TP53BP1: variants seen among roughly 807,000 people sequenced by gnomAD.
TP53BP1 encodes TP53-binding protein 1.
Under a neutral mutation model 200.8 loss-of-function variants are expected in TP53BP1, and 61 were observed. That is an observed-to-expected ratio of 0.30 (90% confidence interval 0.25 to 0.38). The LOEUF (loss-of-function observed/expected upper bound fraction) is 0.38, where lower values mean the gene tolerates loss of function less well. Among genes scored for constraint, TP53BP1 ranks in the 10% least tolerant of loss-of-function variants. TP53BP1 has a pLI of 1.00. For synonymous variants in TP53BP1, 822 were observed against 844.3 expected (o/e 0.97, Z 0.46); for missense variants, 2,144 against 2,371.9 (o/e 0.90, Z 2.00).
chr15:43,407,910 G>A (rs767889745), intron 27 of TP53BP1, 33 bp downstream of exon 27: 2 of 1,595,218 alleles, frequency 1.3e-6, no homozygotes, highest in African/African-American at 1.3e-5. Context: ...GAGATCCCTG[G>A]AACAAAGACA....
At chr15:43,445,983 G>C (rs1445705478) in intron 14 of TP53BP1, among the ~76,000 whole-genome samples, 1 of 152,146 alleles carries the variant, frequency 6.6e-6, no homozygotes, top group Admixed American at 6.5e-5. Flanking sequence ...GATGTAAAAA[G>C]CCTTTCAGCA....
At position 43,422,104 on chromosome 15, in the gene TP53BP1, T is replaced by A; in HGVS notation, c.3851A>T (p.Glu1284Val). Residue 1284 changes from glutamate to valine, a missense_variant, in exon 19 of 28, where the codon GAG becomes GTG. Around this residue, in one of 4 missense-constraint regions of TP53BP1, gnomAD observed 1,700 missense variants for 1,710.3 expected, o/e 0.99. Coordinates refer to ENST00000382044, the MANE Select transcript of TP53BP1 (RefSeq NM_001141980.3). ...AACTTCAGTTTCACACTCCTGACAC[T>A]CTACAATTGGCTCTTCAGTCTCCTG... ...VTEETEEPIVECQECETEVSP... is the reference protein window; with the variant it reads ...VTEETEEPIVVCQECETEVSP... 1 of 1,614,044 alleles carries A rather than the reference T, an allele frequency of 6.2e-7. No homozygotes were observed. The highest frequency in any genetic ancestry group is 8.5e-7 in the Non-Finnish European group (1 of 1,179,998).
At chr15:43,430,622 C>A (rs2045646574) in intron 17 of TP53BP1, among the ~76,000 whole-genome samples, 1 of 152,118 alleles carries the variant, frequency 6.6e-6, no homozygotes, top group African/African-American at 2.4e-5. Flanking sequence ...ACTGAAAAAG[C>A]AATTTGACCA....
At chr15:43,481,084 A>T in intron 4 of TP53BP1, 62 bp from the exon 5 acceptor site, 1 of 1,597,154 alleles carries the variant, frequency 6.3e-7, no homozygotes, top group African/African-American at 1.3e-5. Context: ...TAATCAGAGC[A>T]CTCTGACCCC....
chr15:43,440,376 G>C (rs1164321167), intron 15 of TP53BP1, among the ~76,000 whole-genome samples: 1 of 152,078 alleles, frequency 6.6e-6, no homozygotes, highest in Non-Finnish European at 1.5e-5. Context: ...TTAGCCAGGC[G>C]TGGTGGCTGG....
upstream of TP53BP1, among the ~76,000 whole-genome samples, chr15:43,494,613 C>G (rs558481465): frequency 2.6e-5 from 4 of 152,182 alleles, no homozygotes; most frequent in Non-Finnish European, 5.9e-5. Flanking sequence ...TCATACTCCA[C>G]TCCTAAAGCT....
chr15:43,456,211 T>C lies in TP53BP1; in HGVS notation c.2397A>G (p.Ile799Met). The change falls in exon 12 of 28, where the codon ATA becomes ATG. Residue 799 changes from isoleucine to methionine, a missense_variant. Around this residue, in one of 4 missense-constraint regions of TP53BP1, gnomAD observed 1,700 missense variants for 1,710.3 expected, o/e 0.99. Coordinates refer to ENST00000382044, the MANE Select transcript of TP53BP1 (RefSeq NM_001141980.3). Reference sequence around the variant, plus strand: ...CTAATCTATTCTCAGCACATGGTTCTATTTCTGGAGCAATATCCTCCCATG... The same window carrying C: ...CTAATCTATTCTCAGCACATGGTTCCATTTCTGGAGCAATATCCTCCCATG... Reference protein sequence around the residue: ...SQSWEDIAPEIEPCAENRLDT... With the variant: ...SQSWEDIAPEMEPCAENRLDT... The C allele has an allele frequency of 6.2e-7, 1 of 1,614,212 alleles. No homozygotes were observed. The highest frequency in any genetic ancestry group is 8.5e-7 in the Non-Finnish European group (1 of 1,180,036).
chr15:43,408,013 G>A lies in TP53BP1; in HGVS notation c.5676C>T (p.Leu1892=). 1 of 1,614,126 alleles carries A rather than the reference G, an allele frequency of 6.2e-7. No homozygotes were observed. Among genetic ancestry groups the A allele is most frequent in the South Asian group, 1.1e-5 (1 of 91,080 alleles). ...CACCAGTCATGAGGATCTCAGACCA[G>A]AGCTCCAGGAAGTTCTGCTGTTGGT... The part of the protein sequence containing the change: ...VSDQQQNFLE[L]WSEILMTGGA... The change falls in exon 27 of 28, where the codon CTC becomes CTT. Residue 1892 remains leucine, a synonymous_variant. Transcript: ENST00000382044.
At chr15:43,477,834 G>A in intron 7 of TP53BP1, 75 bp from the exon 8 acceptor site, 1 of 1,236,568 alleles carries the variant, frequency 8.1e-7, no homozygotes, top group Admixed American at 2.8e-5. Flanking sequence ...TTCCTGTTTT[G>A]TGTGTTTTTC....
chr15:43,485,717 C>T (rs988086959), intron 4 of TP53BP1, among the ~76,000 whole-genome samples: 3 of 151,842 alleles, frequency 2.0e-5, no homozygotes, highest in African/African-American at 7.3e-5. Context: ...GTGGCACTTG[C>T]CTGTAATCCC....
Position 43,404,948 on chromosome 15 carries a change from C to T in TP53BP1, c.*2435G>A. On this transcript the variant is annotated 3_prime_UTR_variant, in exon 28 of 28. Coordinates refer to ENST00000382044, the MANE Select transcript of TP53BP1 (RefSeq NM_001141980.3). Reference sequence around the variant, plus strand: ...TTCTAACTCTAAACTTTAAAAAAAACTGATACCGAGATTCAGTGGTAGCTG... The same window carrying T: ...TTCTAACTCTAAACTTTAAAAAAAATTGATACCGAGATTCAGTGGTAGCTG... The T allele has an allele frequency of 1.9e-6, 1 of 533,150 alleles. No individual in the cohort carries two copies. Among genetic ancestry groups the T allele is most frequent in the South Asian group, 2.6e-5 (1 of 38,200 alleles). 33.0% of individuals were successfully genotyped at this position (533,150 alleles called of 1,614,324 possible).
rs750254905 is a variant in TP53BP1 at position 43,474,710 on chromosome 15, G to A, written c.1143C>T (p.Ile381=). The A allele has an allele frequency of 2.2e-5, 35 of 1,613,360 alleles. No individual in the cohort carries two copies. The South Asian group carries it at 2.4e-4, about 11-fold the overall frequency. Residue 381 remains isoleucine, a synonymous_variant, in exon 10 of 28, where the codon ATC becomes ATT. Transcript: ENST00000382044. ...SPDAFRSTPF[I]VPSSPTEQEG... is the part of the protein sequence containing the mutation. ...CTTGCTCTGTGGGACTGCTAGGAAC[G>A]ATAAAAGGAGTAGATCGGAAAGCAT...
intron 12 of TP53BP1, 23 bp downstream of exon 12, chr15:43,455,869 G>A: frequency 1.2e-6 from 2 of 1,610,218 alleles, no homozygotes; most frequent in Non-Finnish European, 1.7e-6. Flanking sequence ...GTGGAGACAA[G>A]AATAATCTAC....
intron 11 of TP53BP1, among the ~76,000 whole-genome samples, chr15:43,460,738 T>G (rs1366139281): frequency 6.6e-6 from 1 of 152,128 alleles, no homozygotes; most frequent in African/African-American, 2.4e-5. Context: ...ATAAACTGGT[T>G]CAAGCCAGAT....
Position 43,409,719 on chromosome 15 carries a change from G to A in TP53BP1, c.5328C>T (p.Phe1776=). 6.5e-7 allele frequency: 1 copy of A among 1,550,014 alleles called. No individual in the cohort carries two copies. The highest frequency in any genetic ancestry group is 1.7e-4 in the Middle Eastern group (1 of 5,756). Residue 1776 remains phenylalanine, a synonymous_variant, in exon 25 of 28, where the codon TTC becomes TTT. Coordinates refer to ENST00000382044, the MANE Select transcript of TP53BP1 (RefSeq NM_001141980.3). Reference sequence around the variant, plus strand: ...GCTGGGATTCTGTATACTGCTTGTTGAAAGGAGGAATTTCCAAAAATTCTA... The same window carrying A: ...GCTGGGATTCTGTATACTGCTTGTTAAAAGGAGGAATTTCCAAAAATTCTA... ...EEEEFLEIPP[F]NKQYTESQLR... is the part of the protein sequence containing the mutation.
chr15:43,486,642 G>C (rs1016065540), intron 4 of TP53BP1, among the ~76,000 whole-genome samples: 22 of 152,094 alleles, frequency 1.4e-4, no homozygotes, highest in African/African-American at 5.3e-4. Context: ...ATTTGTTTTT[G>C]AGGCAGGGTC....
rs757491096 is a variant in TP53BP1 at position 43,412,058 on chromosome 15, T to C, written c.5305+1061A>G. 2.0e-5 allele frequency among the ~76,000 whole-genome samples: 3 copies of C among 152,164 alleles called. 1 individual carries two copies. Among genetic ancestry groups the C allele is most frequent in the Non-Finnish European group, 4.4e-5 (3 of 68,036 alleles). On this transcript the variant is annotated intron_variant, in intron 24 of 27. Transcript: ENST00000382044. ...CCTTATTCCCACTGTGCCTATCTGA[T>C]TGTTTGACAAGCTAGGTGTTGCAAA...
intron 14 of TP53BP1, among the ~76,000 whole-genome samples, chr15:43,445,881 A>G (rs954658488): frequency 2.6e-5 from 4 of 152,228 alleles, no homozygotes; most frequent in African/African-American, 9.6e-5. Flanking sequence ...GCACAAAAGC[A>G]CAAGGTTTTG....
chr15:43,482,724 C>A (rs922792823), intron 4 of TP53BP1, among the ~76,000 whole-genome samples: 1 of 151,922 alleles, frequency 6.6e-6, no homozygotes. Flanking sequence ...GCCAAGATCA[C>A]GCTACTGCAC....
Sources: gnomAD v4.1 joint callset for allele counts (sites outside exome capture counted in the v4.1 genomes callset) on GRCh38, gnomAD v4.1.1 for gene constraint, gnomAD v4.1.1 regional missense constraint, MANE v1.5 for transcripts, NCBI Gene and HGNC (gene_info 2026-07-23, HGNC 2026-07-21) for gene names.